Variants in PXDC1 observed in about 807,000 individuals in gnomAD.
PXDC1 encodes PX domain-containing protein 1.
Under a neutral mutation model 24.4 loss-of-function variants are expected in PXDC1, and 13 were observed. That is an observed-to-expected ratio of 0.53 (90% CI 0.35 to 0.85). The LOEUF is 0.85. PXDC1 is among the 40% of genes least tolerant of loss of function. PXDC1 has a pLI of 0.01. For synonymous variants in PXDC1, 162 were observed against 124.9 expected (o/e 1.30, Z -1.98); for missense variants, 344 against 309.3 (o/e 1.11, Z -0.84).
chr6:3,731,364 T>C (rs1328512499), intron 3 of PXDC1, among the ~76,000 whole-genome samples: 2 of 152,248 alleles, frequency 1.3e-5, no homozygotes, highest in African/African-American at 4.8e-5. Flanking sequence ...AGAAAAATTA[T>C]AGCATCTGAG....
Position 3,725,810 on chromosome 6 carries a change from C to T in PXDC1, c.578+1741G>A, listed in dbSNP as rs1405745951. On this transcript the variant is annotated intron_variant, in intron 4 of 4. Transcript: ENST00000380283. This position sits in a 1 kb window ranked among gnomAD's most constrained non-coding sequence, Gnocchi z 4.8. ...GAGATTGAGGAGCCAGAGAAAGGCC[C>T]GGCAAGCCCAAGTCGGAACTCCCTC... is the stretch of plus-strand genomic sequence containing the variant. 6.6e-6 allele frequency among the ~76,000 whole-genome samples: 1 copy of T among 152,220 alleles called. No homozygotes were observed. Among genetic ancestry groups the T allele is most frequent in the African/African-American group, 2.4e-5 (1 of 41,450 alleles).
Position 3,751,640 on chromosome 6 carries a change from C to T in PXDC1, c.-109G>A, listed in dbSNP as rs1027711247. 79 of 1,337,166 alleles carry T rather than the reference C, an allele frequency of 5.9e-5. No individual in the cohort carries two copies. The highest frequency in any genetic ancestry group is 9.3e-5 in the African/African-American group (6 of 64,294). The allele number at this position is 1,337,166 out of a possible 1,614,324, so 82.8% of individuals were successfully genotyped here. ...GGGTCTGTCCGTGGCCGGGGTCGTCCGGGGTCGGCCCGTCACTCCAAGGAG... is the reference window on the plus strand; with the variant it reads ...GGGTCTGTCCGTGGCCGGGGTCGTCTGGGGTCGGCCCGTCACTCCAAGGAG... On this transcript the variant is annotated 5_prime_UTR_variant, in exon 1 of 5. Transcript: ENST00000380283.
intron 3 of PXDC1, 131 bp from the exon 4 acceptor site, chr6:3,727,793 G>T (rs1760103022): frequency 1.6e-6 from 1 of 638,292 alleles, no homozygotes; most frequent in Non-Finnish European, 2.8e-6. Context: ...CACCGTAAGA[G>T]AATGCCGTGC....
intron 3 of PXDC1, among the ~76,000 whole-genome samples, chr6:3,729,304 T>C (rs951036178): frequency 2.0e-5 from 3 of 152,150 alleles, no homozygotes; most frequent in Admixed American, 2.0e-4. Context: ...TTAGGGAAAT[T>C]ACACAAAAAT....
At chr6:3,746,737 G>A (rs916557887) in intron 1 of PXDC1, among the ~76,000 whole-genome samples, 13 of 152,164 alleles carry the variant, frequency 8.5e-5, no homozygotes, top group Non-Finnish European at 1.3e-4. Flanking sequence ...AGTAAACTCC[G>A]TGGCTTTGCA....
rs1267559267 is a variant in PXDC1 at position 3,751,272 on chromosome 6, G to A, written c.256+4C>T. 3.3e-6 allele frequency: 5 copies of A among 1,507,930 alleles called. No individual in the cohort carries two copies. The highest frequency in any genetic ancestry group is 2.1e-5 in the Admixed American group (1 of 48,148). 93.4% of individuals were successfully genotyped at this position (1,507,930 alleles called of 1,614,324 possible). ...GCGCCCCTCCCGCGTCCCCGGCCCC[G>A]CACCTTGCCGCAGCGGCCCCTGCGC... On this transcript the variant is annotated splice_donor_region_variant and intron_variant, in intron 1 of 4. Transcript: ENST00000380283.
intron 1 of PXDC1, among the ~76,000 whole-genome samples, chr6:3,749,678 T>C (rs1760654936): frequency 6.6e-6 from 1 of 151,996 alleles, no homozygotes; most frequent in Non-Finnish European, 1.5e-5. Context: ...ACAACTGGCA[T>C]TTATGGAGAA....
chr6:3,739,057 C>A (rs1413818398), intron 1 of PXDC1: 1 of 1,192,596 alleles, frequency 8.4e-7, no homozygotes, highest in Non-Finnish European at 1.1e-6. Context: ...TTTGCACCAA[C>A]CTAGTATTAT....
chr6:3,738,850 A>G (rs1341301328), intron 1 of PXDC1: 33 of 1,303,252 alleles, frequency 2.5e-5, no homozygotes, highest in Non-Finnish European at 3.1e-5. Context: ...TGAGAAGCGC[A>G]GAGCAGAAGT....
At chr6:3,744,072 C>A (rs1760509473) in intron 1 of PXDC1, among the ~76,000 whole-genome samples, 1 of 152,230 alleles carries the variant, frequency 6.6e-6, no homozygotes, top group Admixed American at 6.5e-5. Flanking sequence ...CTTAAACTTA[C>A]TGAGCTCTGC....
chr6:3,727,766 C>T, intron 3 of PXDC1, 104 bp from the exon 4 acceptor site: 2 of 729,864 alleles, frequency 2.7e-6, no homozygotes, highest in Admixed American at 4.1e-5. Context: ...CCACCTGTTG[C>T]CCGTGCCTCT....
intron 1 of PXDC1, among the ~76,000 whole-genome samples, chr6:3,745,925 G>A (rs1254565425): frequency 2.6e-5 from 4 of 152,332 alleles, no homozygotes; most frequent in African/African-American, 7.2e-5. Flanking sequence ...AAAGAGTTAC[G>A]TGGTCTGTCT....
rs1760108333 is a variant in PXDC1 at position 3,728,017 on chromosome 6, C to A, written c.467-355G>T. On this transcript the variant is annotated intron_variant, in intron 3 of 4. Transcript: ENST00000380283. The surrounding 1 kb of genome is among the most constrained non-coding windows in gnomAD (Gnocchi z 4.0). ...TCTGCGTGTGAGAGCAGAGCTATGGCACAGTGACATGTGGCTCTGCCCAGG... is the reference window on the plus strand; with the variant it reads ...TCTGCGTGTGAGAGCAGAGCTATGGAACAGTGACATGTGGCTCTGCCCAGG... Among the ~76,000 whole-genome samples, 1 of 152,158 alleles carries A rather than the reference C, an allele frequency of 6.6e-6. No individual in the cohort carries two copies. Among genetic ancestry groups the A allele is most frequent in the Non-Finnish European group, 1.5e-5 (1 of 68,022 alleles).
chr6:3,739,860 C>T (rs1174352587), intron 1 of PXDC1, among the ~76,000 whole-genome samples: 1 of 152,194 alleles, frequency 6.6e-6, no homozygotes, highest in Non-Finnish European at 1.5e-5. Flanking sequence ...ACTCTTTCAA[C>T]CAAAATGCTT....
chr6:3,750,094 C>T (rs952422374), intron 1 of PXDC1, among the ~76,000 whole-genome samples: 1 of 152,242 alleles, frequency 6.6e-6, no homozygotes, highest in African/African-American at 2.4e-5. Flanking sequence ...CCCCAACTCG[C>T]TGGCTGTGGG....
At position 3,737,092 on chromosome 6, in the gene PXDC1, T is replaced by G; in HGVS notation, c.453A>C (p.Pro151=). Residue 151 remains proline (P), a synonymous_variant, in exon 3 of 5, where the codon CCA becomes CCC. Coordinates refer to ENST00000380283, the MANE Select transcript of PXDC1 (RefSeq NM_183373.4). This position sits in a 1 kb window ranked among gnomAD's most constrained non-coding sequence, Gnocchi z 5.5. ...TGTGGCTCTTACCTGATATTTTGAC[T>G]GGACTTTGAAAGCTGGGTTGAATTT... ...VHKIQPSFQS[P]VKISEIMRSN... 6.2e-7 allele frequency: 1 copy of G among 1,606,106 alleles called. No homozygotes were observed. The highest frequency in any genetic ancestry group is 8.5e-7 in the Non-Finnish European group (1 of 1,172,674).
chr6:3,751,696 G>T lies in PXDC1; in HGVS notation c.-165C>A. ...GTATGGCCCGCGTTCGGGGCAGCGGGGCGGCGCGGCGGCGAGTGGCTCGGG... is the reference window on the plus strand; with the variant it reads ...GTATGGCCCGCGTTCGGGGCAGCGGTGCGGCGCGGCGGCGAGTGGCTCGGG... On this transcript the variant is annotated 5_prime_UTR_variant, in exon 1 of 5. Transcript: ENST00000380283. The T allele has an allele frequency of 9.5e-7, 1 of 1,047,332 alleles. No individual in the cohort carries two copies. Among genetic ancestry groups the T allele is most frequent in the South Asian group, 4.6e-5 (1 of 21,518 alleles). 64.9% of individuals were successfully genotyped at this position (1,047,332 alleles called of 1,614,324 possible).
intron 1 of PXDC1, among the ~76,000 whole-genome samples, chr6:3,739,330 A>G (rs961805124): frequency 3.9e-5 from 6 of 152,108 alleles, no homozygotes; most frequent in African/African-American, 1.4e-4. Context: ...GTCAGTGGGG[A>G]TCAGTGGAGG....
chr6:3,723,336 G>A lies in PXDC1; in HGVS notation c.*283C>T, dbSNP rs996493915. 13 of 449,544 alleles carry A rather than the reference G, an allele frequency of 2.9e-5. No homozygotes were observed. Among genetic ancestry groups the A allele is most frequent in the African/African-American group, 1.2e-4 (6 of 51,754 alleles). The allele number at this position is 449,544 out of a possible 1,614,324, so 27.8% of individuals were successfully genotyped here. On this transcript the variant is annotated 3_prime_UTR_variant, in exon 5 of 5. Transcript: ENST00000380283. Reference sequence around the variant, plus strand: ...GGAACTGTCCCTGCCCTGGCAGTGCGCAGCCCTGTGGGCACCAAGCAGGGA... The same window carrying A: ...GGAACTGTCCCTGCCCTGGCAGTGCACAGCCCTGTGGGCACCAAGCAGGGA...
Sources: gnomAD v4.1 joint callset for allele counts (sites outside exome capture counted in the v4.1 genomes callset) on GRCh38, gnomAD v4.1.1 for gene constraint, Gnocchi (gnomAD v3.1) non-coding constraint, MANE v1.5 for transcripts, NCBI Gene and HGNC (gene_info 2026-07-23, HGNC 2026-07-21) for gene names.